Variants in MAP4K5 observed in about 807,000 individuals in gnomAD.
The protein encoded by MAP4K5 is mitogen-activated protein kinase kinase kinase kinase 5.
MAP4K5 carries 82 observed loss-of-function variants against 135.6 expected under a neutral mutation model. That is an observed-to-expected ratio of 0.60 (90% CI 0.51 to 0.73). The LOEUF (loss-of-function observed/expected upper bound fraction) is 0.73. Ranked by LOEUF, MAP4K5 falls within the 30% of genes least tolerant of loss-of-function variation. The probability of loss-of-function intolerance (pLI) is 0.00; values close to 1 mark genes in which losing one functional copy is unlikely to be tolerated. For missense variants in MAP4K5, 907 were observed against 1,010.9 expected, an observed-to-expected ratio of 0.90 and a Z score of 1.39; for synonymous variants, 347 against 335.0, an observed-to-expected ratio of 1.04 and a Z score of -0.39.
chr14:50,519,507 A>G (rs1211264639), intron 2 of MAP4K5, among the ~76,000 whole-genome samples: 1 of 152,022 alleles, frequency 6.6e-6, no homozygotes, highest in South Asian at 2.1e-4. Flanking sequence ...TACAAAAATT[A>G]GTCAAGTGTG....
At chr14:50,458,320 T>C (rs1032520588) in intron 13 of MAP4K5, among the ~76,000 whole-genome samples, 1 of 152,146 alleles carries the variant, frequency 6.6e-6, no homozygotes, top group Non-Finnish European at 1.5e-5. Flanking sequence ...TCTATCTATT[T>C]TGGACAGTAT....
chr14:50,499,484 T>A (rs139526010), intron 3 of MAP4K5, among the ~76,000 whole-genome samples: 7,556 of 151,886 alleles, frequency 0.05, 285 homozygotes, highest in Admixed American at 0.13. Flanking sequence ...ATGGCGAAAC[T>A]CTGTCTCTAC....
At chr14:50,429,461 G>A (rs1256707254) in intron 28 of MAP4K5, among the ~76,000 whole-genome samples, 3 of 152,036 alleles carry the variant, frequency 2.0e-5, no homozygotes, top group Admixed American at 2.0e-4. Context: ...GGCTAACTCA[G>A]CTGAAAAAAA....
At chr14:50,542,006 CAAAAAAAAAAAAAAAAAAAAAAAAAAAAA>C (rs59075218) in intron 2 of MAP4K5, among the ~76,000 whole-genome samples, 41 of 62,462 alleles carry the variant, frequency 6.6e-4, no homozygotes, top group African/African-American at 7.1e-4. Context: ...GATTCCGTCT[CAAAAAAAAAAAAAAAAAAAAAAAAAAAAA>C]AAAAAAAAAA....
chr14:50,529,516 T>C (rs962161241), intron 2 of MAP4K5, among the ~76,000 whole-genome samples: 3 of 152,302 alleles, frequency 2.0e-5, no homozygotes, highest in Non-Finnish European at 4.4e-5. Flanking sequence ...CATTCATTCA[T>C]TCATCAAATT....
At chr14:50,509,748 C>T (rs1457481440) in intron 2 of MAP4K5, among the ~76,000 whole-genome samples, 4 of 151,762 alleles carry the variant, frequency 2.6e-5, no homozygotes, top group Non-Finnish European at 5.9e-5. Flanking sequence ...ATAATAGCCA[C>T]TTCTATGCCT....
chr14:50,449,958 G>C (rs1398445393), intron 14 of MAP4K5: 1 of 152,120 alleles, frequency 6.6e-6, no homozygotes, highest in African/African-American at 2.4e-5. Flanking sequence ...TGTTGTTGTT[G>C]AGATGGAGTC....
chr14:50,482,871 TG>T (rs2037279828), intron 5 of MAP4K5: 1 of 152,768 alleles, frequency 6.5e-6, no homozygotes. Flanking sequence ...CTTCTGATTG[TG>T]AGCATATATT....
chr14:50,548,660 C>G (rs2038664172), intron 1 of MAP4K5, among the ~76,000 whole-genome samples: 1 of 152,154 alleles, frequency 6.6e-6, no homozygotes, highest in African/African-American at 2.4e-5. Flanking sequence ...CAGGCACACA[C>G]CGCCACGCCC....
At chr14:50,434,648 A>T in intron 27 of MAP4K5, 77 bp from the exon 28 acceptor site, 2 of 1,278,354 alleles carry the variant, frequency 1.6e-6, no homozygotes, top group Non-Finnish European at 2.2e-6. Flanking sequence ...TAAAGTCAAC[A>T]GAAAGACTCC....
At chr14:50,420,165 C>A in intron 32 of MAP4K5, 59 bp from the exon 33 acceptor site, 1 of 878,218 alleles carries the variant, frequency 1.1e-6, no homozygotes, top group Non-Finnish European at 1.9e-6. Flanking sequence ...ACATCAAATA[C>A]TAACATCAAA....
chr14:50,550,351 G>A (rs1189898819), intron 1 of MAP4K5, among the ~76,000 whole-genome samples: 1 of 152,204 alleles, frequency 6.6e-6, no homozygotes, highest in East Asian at 1.9e-4. Context: ...ACCCATGAGG[G>A]TCCCTACTGA....
chr14:50,492,137 G>A (rs12323534), intron 3 of MAP4K5, among the ~76,000 whole-genome samples: 19,880 of 151,904 alleles, frequency 0.13, 2,825 homozygotes, highest in African/African-American at 0.36. Flanking sequence ...AATTATTAAC[G>A]TGATGCTTCG....
At chr14:50,479,566 G>A (rs1360755510) in intron 6 of MAP4K5, among the ~76,000 whole-genome samples, 2 of 152,022 alleles carry the variant, frequency 1.3e-5, no homozygotes, top group Non-Finnish European at 2.9e-5. Flanking sequence ...AGTTTGACTT[G>A]GGCCTTTTTT....
At chr14:50,473,339 T>C (rs2037009977) in intron 9 of MAP4K5, among the ~76,000 whole-genome samples, 1 of 152,074 alleles carries the variant, frequency 6.6e-6, no homozygotes, top group African/African-American at 2.4e-5. Flanking sequence ...TTGGCACAAA[T>C]AAGTCTATGC....
chr14:50,446,069 A>C lies in MAP4K5; in HGVS notation c.1185+10T>G, dbSNP rs2036340405. On this transcript the variant is annotated intron_variant, in intron 17 of 32. Coordinates refer to ENST00000682126, the MANE Select transcript of MAP4K5 (RefSeq NM_006575.6). ...AAGGATTTAGTGTTCAAAATCATTA[A>C]GTAGCTCACCTTAGGAGGTAGGGGA... 1.3e-6 allele frequency: 2 copies of C among 1,526,996 alleles called. No homozygotes were observed. Among genetic ancestry groups the C allele is most frequent in the Non-Finnish European group, 1.8e-6 (2 of 1,136,690 alleles). The allele number at this position is 1,526,996 out of a possible 1,614,324, so 94.6% of individuals were successfully genotyped here. A position where few individuals can be genotyped will look rare whatever the true frequency, so the allele number is the denominator to read the frequency against.
chr14:50,532,262 G>A, intron 1 of MAP4K5, 104 bp from the exon 2 acceptor site: 1 of 496,006 alleles, frequency 2.0e-6, no homozygotes, highest in Non-Finnish European at 3.5e-6. Context: ...GCCAGGGGCC[G>A]TGGAAGAGAA....
intron 32 of MAP4K5, among the ~76,000 whole-genome samples, chr14:50,422,907 A>G (rs188624443): frequency 1.4e-4 from 21 of 152,344 alleles, no homozygotes; most frequent in African/African-American, 5.1e-4. Context: ...GTTGAATATA[A>G]CTGTCTCTAG....
chr14:50,528,085 A>G (rs1232639057), intron 2 of MAP4K5, among the ~76,000 whole-genome samples: 1 of 152,124 alleles, frequency 6.6e-6, no homozygotes, highest in Non-Finnish European at 1.5e-5. Context: ...TTACAAATAA[A>G]AGCTGCTCAG....
Sources: allele counts gnomAD v4.1 joint callset (sites outside exome capture counted in the v4.1 genomes callset), GRCh38; gene constraint gnomAD v4.1.1; transcripts MANE v1.5; gene names NCBI Gene and HGNC (gene_info 2026-07-23, HGNC 2026-07-21).